The following MIA2 variants were observed in gnomAD, a reference collection of about 807,000 sequenced individuals.
MIA2 encodes the protein MIA SH3 domain ER export factor 2, also known as melanoma inhibitory activity protein 2.
MIA2 carries 127 observed loss-of-function variants against 167.8 expected under a neutral mutation model. That is an observed-to-expected ratio of 0.76 (90% CI 0.66 to 0.88). MIA2 has a LOEUF of 0.88. MIA2 is among the 40% of genes least tolerant of loss of function. The pLI is 0.00. For synonymous variants in MIA2, 552 were observed against 541.9 expected, an observed-to-expected ratio of 1.02 and a Z score of -0.26; for missense variants, 1,690 against 1,624.7, an observed-to-expected ratio of 1.04 and a Z score of -0.69.
At chr14:39,240,081 A>G (rs770104620) in intron 2 of MIA2, among the ~76,000 whole-genome samples, 15 of 152,170 alleles carry the variant, frequency 9.9e-5, no homozygotes, top group Non-Finnish European at 2.1e-4. Context: ...TCCCTGAAGG[A>G]CTTGTAGACC....
chr14:39,269,383 T>C (rs1271895198), intron 6 of MIA2, among the ~76,000 whole-genome samples: 1 of 152,134 alleles, frequency 6.6e-6, no homozygotes, highest in East Asian at 1.9e-4. Flanking sequence ...ATCTATTTTC[T>C]GTCTCTATGA....
intron 25 of MIA2, 50 bp from the exon 26 acceptor site, chr14:39,345,854 C>T (rs1229480259): frequency 4.6e-6 from 7 of 1,515,744 alleles, no homozygotes; most frequent in Non-Finnish European, 6.3e-6. Context: ...CTTAAGTAAA[C>T]TTGATTTATA....
At chr14:39,239,908 C>T (rs1289284723) in intron 2 of MIA2, among the ~76,000 whole-genome samples, 1 of 152,066 alleles carries the variant, frequency 6.6e-6, no homozygotes. Flanking sequence ...GATTAGAGGG[C>T]CAAAAGAAAT....
At chr14:39,276,801 A>G in intron 6 of MIA2, 133 bp from the exon 7 acceptor site, 3 of 868,278 alleles carry the variant, frequency 3.5e-6, no homozygotes, top group Non-Finnish European at 5.3e-6. Flanking sequence ...AAAAAAATGT[A>G]CTCTGATACT....
At chr14:39,334,757 G>A (rs1350524765) in intron 25 of MIA2, among the ~76,000 whole-genome samples, 4 of 151,950 alleles carry the variant, frequency 2.6e-5, no homozygotes, top group East Asian at 2.0e-4. Context: ...TAGTAGAGAC[G>A]GGGTTTCACC....
intron 25 of MIA2, among the ~76,000 whole-genome samples, chr14:39,334,725 G>T (rs1432550891): frequency 6.6e-6 from 1 of 151,838 alleles, no homozygotes; most frequent in Non-Finnish European, 1.5e-5. Flanking sequence ...GTGCCACCAT[G>T]CCCAGCTAAT....
chr14:39,344,900 A>G (rs952210987), intron 25 of MIA2, among the ~76,000 whole-genome samples: 1 of 152,014 alleles, frequency 6.6e-6, no homozygotes, highest in Non-Finnish European at 1.5e-5. Flanking sequence ...TTTTGCACCA[A>G]CCTAATACCA....
In MIA2 at chr14:39,247,382, G is replaced by A. The variant is rs781733776; in HGVS notation, c.808G>A (p.Gly270Ser). ...DENDLEELNNGEPQTEHQQES... is the reference protein window; with the variant it reads ...DENDLEELNNSEPQTEHQQES... ...GAATGACCTAGAGGAATTAAATAAT[G>A]GTGAGCCTCAAACAGAACATCAGCA... is the stretch of plus-strand genomic sequence containing the variant. Residue 270 changes from glycine to serine, a missense_variant, in exon 4 of 29, where the codon GGT (glycine) becomes AGT (serine). Coordinates refer to ENST00000640607, the MANE Select transcript of MIA2 (RefSeq NM_001329214.4). 2.5e-6 allele frequency: 4 copies of A among 1,614,054 alleles called. No individual in the cohort carries two copies. The highest frequency in any genetic ancestry group is 3.4e-6 in the Non-Finnish European group (4 of 1,180,002).
intron 4 of MIA2, among the ~76,000 whole-genome samples, chr14:39,248,736 A>C (rs2054420348): frequency 1.3e-5 from 2 of 152,016 alleles, no homozygotes; most frequent in Non-Finnish European, 2.9e-5. Flanking sequence ...AACCTAAGCT[A>C]AGGGAAACTT....
At chr14:39,358,574 G>T (rs1284569032) in intron 23 of MIA2, among the ~76,000 whole-genome samples, 1 of 152,198 alleles carries the variant, frequency 6.6e-6, no homozygotes, top group South Asian at 2.1e-4. Flanking sequence ...TCTCTGTCCA[G>T]CTTTGTTCTG....
chr14:39,293,367 G>A lies in MIA2; in HGVS notation c.2305G>A (p.Glu769Lys). The change falls in exon 11 of 29, where the codon GAA becomes AAA. Residue 769 changes from glutamate to lysine, a missense_variant. Glu to Lys is a moderately conservative substitution (Grantham distance 56, BLOSUM62 1). Transcript: ENST00000640607. ...ELKEEKSKHS[E>K]QDELMADISK... ...AAAAGAAGAGAAATCCAAACATTCT[G>A]AACAAGATGAATTGGTAAGGCTTTT... The A allele has an allele frequency of 1.3e-6, 2 of 1,583,248 alleles. No homozygotes were observed. Among genetic ancestry groups the A allele is most frequent in the South Asian group, 2.3e-5 (2 of 88,582 alleles).
At chr14:39,308,336 A>G in intron 17 of MIA2, 113 bp from the exon 18 acceptor site, 1 of 652,462 alleles carries the variant, frequency 1.5e-6, no homozygotes, top group Non-Finnish European at 2.3e-6. Flanking sequence ...TGTTATTGGA[A>G]AGAGTTTAGT....
intron 9 of MIA2, among the ~76,000 whole-genome samples, chr14:39,285,343 C>T (rs1016420125): frequency 2.0e-5 from 3 of 151,892 alleles, no homozygotes; most frequent in Admixed American, 2.0e-4. Context: ...AGAGGCGCCC[C>T]CCCACCTCCC....
chr14:39,283,671 CTCTTG>C (rs966176391), intron 9 of MIA2, among the ~76,000 whole-genome samples: 42 of 152,226 alleles, frequency 2.8e-4, no homozygotes, highest in African/African-American at 8.7e-4. Flanking sequence ...CTTGTCATCT[CTCTTG>C]TCTTTTTGAT....
downstream of MIA2, among the ~76,000 whole-genome samples, chr14:39,353,336 TC>T (rs1237623867): frequency 2.0e-5 from 3 of 152,206 alleles, no homozygotes; most frequent in Non-Finnish European, 4.4e-5. Flanking sequence ...CTCTTCATGT[TC>T]CCCTCACACC....
At chr14:39,330,551 T>G (rs1198653507) in intron 25 of MIA2, among the ~76,000 whole-genome samples, 1 of 152,168 alleles carries the variant, frequency 6.6e-6, no homozygotes, top group East Asian at 1.9e-4. Flanking sequence ...AATTGTGATG[T>G]TTGGGTGTTG....
downstream of MIA2, among the ~76,000 whole-genome samples, chr14:39,352,658 C>G (rs941219255): frequency 2.0e-5 from 3 of 152,142 alleles, no homozygotes; most frequent in African/African-American, 7.2e-5. Context: ...AACTGTACTT[C>G]TTCCCATATA....
At chr14:39,304,204 G>T in intron 16 of MIA2, 87 bp from the exon 17 acceptor site, 1 of 520,614 alleles carries the variant, frequency 1.9e-6, no homozygotes, top group Non-Finnish European at 3.3e-6. Context: ...AAAGTGTTAG[G>T]GGGGTCATAC....
At chr14:39,354,113 A>C (rs2074461825), downstream of MIA2, among the ~76,000 whole-genome samples, 1 of 152,198 alleles carries the variant, frequency 6.6e-6, no homozygotes, top group African/African-American at 2.4e-5. Flanking sequence ...TGGTAGTTCT[A>C]GTTCTAGATC....
Sources: allele counts gnomAD v4.1 joint callset (sites outside exome capture counted in the v4.1 genomes callset), GRCh38; gene constraint gnomAD v4.1.1; transcripts MANE v1.5; gene names NCBI Gene and HGNC (gene_info 2026-07-23, HGNC 2026-07-21).